The following SCN2A variants were observed in gnomAD, a reference collection of about 807,000 sequenced individuals.
The protein encoded by SCN2A is sodium channel protein type 2 subunit alpha.
Under a neutral mutation model 188.7 loss-of-function variants are expected in SCN2A, and 20 were observed. The observed-to-expected ratio is 0.11, with a 90% confidence interval of 0.07 to 0.15. The LOEUF is 0.15. SCN2A is among the 10% of genes least tolerant of loss of function. The pLI, the probability that SCN2A is intolerant of heterozygous loss-of-function variation, is 1.00. For missense variants in SCN2A, 1,278 were observed against 2,445.0 expected, an observed-to-expected ratio of 0.52 and a Z score of 10.07; for synonymous variants, 804 against 833.1, an observed-to-expected ratio of 0.97 and a Z score of 0.60.
chr2:165,304,628 A>G (rs1454434803), intron 3 of SCN2A, among the ~76,000 whole-genome samples: 1 of 152,198 alleles, frequency 6.6e-6, no homozygotes, highest in African/African-American at 2.4e-5. Context: ...GAGGAATAAT[A>G]TAAGGGCTGC....
At chr2:165,293,717 A>C (rs985273268) in intron 1 of SCN2A, 1 of 435,692 alleles carries the variant, frequency 2.3e-6, no homozygotes, top group Non-Finnish European at 3.1e-6. Flanking sequence ...GCAAATAAAA[A>C]GCATGAGGAG....
At chr2:165,306,435 T>C (rs2105237497) in intron 3 of SCN2A, among the ~76,000 whole-genome samples, 2 of 152,192 alleles carry the variant, frequency 1.3e-5, no homozygotes, top group South Asian at 4.2e-4. Flanking sequence ...AGCAAGTCAT[T>C]CTTTATTTAA....
At position 165,389,875 on chromosome 2, in the gene SCN2A, T is replaced by C; in HGVS notation, c.*51T>C. ...GTGATCAATTGTTTACAGCCCGTGA[T>C]GGTGATGTGTTTGTGTCAACAGGAC... On this transcript the variant is annotated 3_prime_UTR_variant, in exon 27 of 27. Coordinates refer to ENST00000375437, the MANE Select transcript of SCN2A (RefSeq NM_001040142.2). The surrounding 1 kb of genome is among the most constrained non-coding windows in gnomAD (Gnocchi z 4.2). 6.5e-7 allele frequency: 1 copy of C among 1,545,896 alleles called. No homozygotes were observed. Among genetic ancestry groups the C allele is most frequent in the Non-Finnish European group, 8.7e-7 (1 of 1,149,306 alleles).
At chr2:165,366,021 T>C (rs1396489427) in intron 18 of SCN2A, among the ~76,000 whole-genome samples, 1 of 152,218 alleles carries the variant, frequency 6.6e-6, no homozygotes, top group East Asian at 1.9e-4. Flanking sequence ...TCACAGACTT[T>C]CTTGTCACTA....
chr2:165,374,637 T>A (rs749540555), intron 21 of SCN2A, 48 bp from the exon 22 acceptor site: 1 of 1,579,042 alleles, frequency 6.3e-7, no homozygotes, highest in Non-Finnish European at 8.7e-7. Flanking sequence ...AATAAGTAAA[T>A]ATTTGTTGTT....
intron 1 of SCN2A, among the ~76,000 whole-genome samples, chr2:165,278,594 G>A (rs897288127): frequency 1.3e-5 from 2 of 152,070 alleles, no homozygotes; most frequent in African/African-American, 4.8e-5. Context: ...GATTTGGGTG[G>A]GGACACAAAG....
At chr2:165,317,809 C>G (rs890563222) in intron 11 of SCN2A, among the ~76,000 whole-genome samples, 1 of 151,780 alleles carries the variant, frequency 6.6e-6, no homozygotes, top group South Asian at 2.1e-4. Flanking sequence ...CTTAAGCAGT[C>G]TCTATATAAA....
At chr2:165,346,675 C>T (rs138218313) in intron 16 of SCN2A, among the ~76,000 whole-genome samples, 2,052 of 152,228 alleles carry the variant, frequency 0.013, 39 homozygotes, top group East Asian at 0.047. Context: ...AGGCAACCTA[C>T]AGAATGGGAG....
intron 13 of SCN2A, chr2:165,328,272 G>A (rs1320816612): frequency 6.5e-6 from 1 of 152,828 alleles, no homozygotes; most frequent in Non-Finnish European, 1.5e-5. Context: ...TCCTATTTCA[G>A]TATCCTAATG....
chr2:165,383,077 C>T (rs1701688081), intron 25 of SCN2A, among the ~76,000 whole-genome samples: 1 of 152,036 alleles, frequency 6.6e-6, no homozygotes, highest in African/African-American at 2.4e-5. Flanking sequence ...TCCATTTATT[C>T]CTGCATTGAC....
intron 1 of SCN2A, among the ~76,000 whole-genome samples, chr2:165,244,429 A>G (rs1693755815): frequency 6.6e-6 from 1 of 152,078 alleles, no homozygotes; most frequent in African/African-American, 2.4e-5. Flanking sequence ...TTTTCTGGTA[A>G]TGTTCCATTA....
intron 1 of SCN2A, chr2:165,270,568 C>A (rs914661461): frequency 6.6e-6 from 1 of 152,046 alleles, no homozygotes; most frequent in Non-Finnish European, 1.5e-5. Context: ...TGGCTACTAT[C>A]GCCCTTTCTG....
At chr2:165,327,794 T>G (rs1389424187) in intron 13 of SCN2A, 1 of 152,222 alleles carries the variant, frequency 6.6e-6, no homozygotes, top group Non-Finnish European at 1.5e-5. Context: ...TTGTTGTTGT[T>G]ATTTTTGTTA....
chr2:165,286,534 TGGAA>T (rs1047181354), intron 1 of SCN2A, among the ~76,000 whole-genome samples: 3 of 152,314 alleles, frequency 2.0e-5, no homozygotes, highest in African/African-American at 7.2e-5. Context: ...CATTGTATGT[TGGAA>T]GGAAGGGCCA....
intron 1 of SCN2A, among the ~76,000 whole-genome samples, chr2:165,290,402 C>G (rs1480343906): frequency 6.6e-6 from 1 of 151,896 alleles, no homozygotes; most frequent in Non-Finnish European, 1.5e-5. Flanking sequence ...TTACTTCTTC[C>G]TCATGTTTTA....
rs200553623 is a variant in SCN2A, at chr2:165,381,185, A to T, written c.4539A>T (p.Ile1513=). ...KLGSKKPQKP[I]PRPANKFQGM... is the part of the protein sequence containing the mutation. ...GTTCAAAGAAACCACAAAAACCCAT[A>T]CCTCGACCTGCTGTAAGAATAACAT... The change falls in exon 25 of 27, where the codon ATA becomes ATT. Residue 1513 remains isoleucine, a synonymous_variant. Coordinates refer to ENST00000375437, the MANE Select transcript of SCN2A (RefSeq NM_001040142.2). 259 of 1,576,860 alleles carry T rather than the reference A, an allele frequency of 1.6e-4. 2 individuals carry two copies. The South Asian group carries it at 2.9e-3, about 17-fold the overall frequency.
At chr2:165,312,209 C>G (rs1026718663) in intron 8 of SCN2A, 121 bp downstream of exon 8, 33 of 741,584 alleles carry the variant, frequency 4.4e-5, no homozygotes, top group Non-Finnish European at 7.0e-5. Context: ...AATTCTACTT[C>G]ACGGTGACTC....
At chr2:165,318,588 A>G (rs139889215) in intron 11 of SCN2A, among the ~76,000 whole-genome samples, 3 of 152,352 alleles carry the variant, frequency 2.0e-5, no homozygotes, top group South Asian at 2.1e-4. Flanking sequence ...TAGCTGTCAC[A>G]TGTAAACTAC....
intron 14 of SCN2A, among the ~76,000 whole-genome samples, chr2:165,335,611 A>C (rs996065506): frequency 6.6e-6 from 1 of 151,818 alleles, no homozygotes; most frequent in Non-Finnish European, 1.5e-5. Flanking sequence ...GATAGGTCAT[A>C]GGCCTAAAGG....
Sources: gnomAD v4.1 joint callset for allele counts (sites outside exome capture counted in the v4.1 genomes callset) on GRCh38, gnomAD v4.1.1 for gene constraint, Gnocchi (gnomAD v3.1) non-coding constraint, MANE v1.5 for transcripts, NCBI Gene and HGNC (gene_info 2026-07-23, HGNC 2026-07-21) for gene names.